Variants in CHRNA3 observed in about 807,000 individuals in gnomAD.
CHRNA3 encodes the protein cholinergic receptor nicotinic alpha 3 subunit, also known as neuronal acetylcholine receptor subunit alpha-3.
Under a neutral mutation model 41.9 loss-of-function variants are expected in CHRNA3, and 34 were observed. The ratio of observed to expected loss-of-function variants is 0.81; its 90% CI spans 0.62 to 1.08. The LOEUF (loss-of-function observed/expected upper bound fraction) is 1.08. Among genes scored for constraint, CHRNA3 ranks in the 50% least tolerant of loss-of-function variants. The probability of loss-of-function intolerance (pLI) is 0.00; values close to 1 mark genes in which losing one functional copy is unlikely to be tolerated. For synonymous variants in CHRNA3, 281 were observed against 265.2 expected, an observed-to-expected ratio of 1.06 and a Z score of -0.58; for missense variants, 542 against 638.3, an observed-to-expected ratio of 0.85 and a Z score of 1.63.
intron 4 of CHRNA3, 92 bp from the exon 5 acceptor site, chr15:78,602,356 G>T (rs999809472): frequency 9.6e-6 from 13 of 1,348,676 alleles, no homozygotes; most frequent in Non-Finnish European, 1.2e-5. Context: ...AGTAAGTAAT[G>T]ATTTGGAAGG....
downstream of CHRNA3, chr15:78,593,302 G>T: frequency 6.7e-7 from 1 of 1,487,344 alleles, no homozygotes. Context: ...ACATATATCT[G>T]ATGGCACCTA....
At chr15:78,594,663 G>A (rs1285723176), downstream of CHRNA3, 1 of 152,192 alleles carries the variant, frequency 6.6e-6, no homozygotes. Flanking sequence ...GGCAACAAGA[G>A]CAAAACTCTG....
chr15:78,619,461 A>AG (rs2053516382), intron 1 of CHRNA3, among the ~76,000 whole-genome samples: 1 of 152,094 alleles, frequency 6.6e-6, no homozygotes, highest in African/African-American at 2.4e-5. Flanking sequence ...GTCCGCTCCC[A>AG]GGGGCAGGGC....
chr15:78,597,889 A>G (rs1342288813), intron 5 of CHRNA3, among the ~76,000 whole-genome samples: 1 of 152,216 alleles, frequency 6.6e-6, no homozygotes, highest in African/African-American at 2.4e-5. Flanking sequence ...TTACATCACC[A>G]TTGTGAGCCT....
chr15:78,593,294 A>G (rs1390421652), downstream of CHRNA3: 2 of 1,521,848 alleles, frequency 1.3e-6, no homozygotes, highest in East Asian at 2.3e-5. Flanking sequence ...GTTAACACAC[A>G]TATATCTGAT....
At chr15:78,612,518 T>G (rs1466006389) in intron 4 of CHRNA3, among the ~76,000 whole-genome samples, 1 of 107,444 alleles carries the variant, frequency 9.3e-6, no homozygotes, top group South Asian at 2.8e-4. Flanking sequence ...TAGCCATATG[T>G]AGAAAGCTGA....
intron 4 of CHRNA3, 49 bp from the exon 5 acceptor site, chr15:78,602,313 G>C: frequency 6.4e-7 from 1 of 1,565,170 alleles, no homozygotes; most frequent in Non-Finnish European, 8.7e-7. Context: ...TTAACACTTG[G>C]TCATATTGTG....
Position 78,601,574 on chromosome 15 carries a change from C to T in CHRNA3, c.1068G>A (p.Met356Ile), listed in dbSNP as rs780955625. 1.9e-6 allele frequency: 3 copies of T among 1,614,140 alleles called. No homozygotes were observed. The East Asian group carries it at 6.7e-5, about 36-fold the overall frequency. The change falls in exon 5 of 6, where the codon ATG becomes ATA. Residue 356 changes from methionine to isoleucine, a missense_variant. By Grantham distance (10) the Met-to-Ile change is conservative. Coordinates refer to ENST00000326828, the MANE Select transcript of CHRNA3 (RefSeq NM_000743.5). ...FLNLLPRVMF[M>I]TRPTSNEGNA... ...TGCCCTCGTTGCTTGTTGGCCTGGT[C>T]ATGAACATGACCCTGGGGAGCAGGT... is the stretch of plus-strand genomic sequence containing the variant.
chr15:78,606,864 G>A (rs570960069), intron 4 of CHRNA3, among the ~76,000 whole-genome samples: 13 of 152,066 alleles, frequency 8.5e-5, no homozygotes, highest in South Asian at 4.2e-4. Context: ...ATGCCACCAC[G>A]AGAGTCTGTC....
At chr15:78,609,188 G>T (rs1353210713) in intron 4 of CHRNA3, among the ~76,000 whole-genome samples, 2 of 152,138 alleles carry the variant, frequency 1.3e-5, no homozygotes, top group South Asian at 2.1e-4. Context: ...CCCCAATCTA[G>T]CAAGGCAGGC....
intron 5 of CHRNA3, among the ~76,000 whole-genome samples, chr15:78,599,092 G>C (rs1046747324): frequency 2.0e-5 from 3 of 149,458 alleles, no homozygotes; most frequent in Non-Finnish European, 4.5e-5. Flanking sequence ...CACCTGCCTC[G>C]GCCTCCCAAA....
chr15:78,616,784 C>T (rs2053468824), intron 4 of CHRNA3, among the ~76,000 whole-genome samples: 1 of 152,210 alleles, frequency 6.6e-6, no homozygotes, highest in African/African-American at 2.4e-5. Flanking sequence ...TTTCCCAATG[C>T]CATCTTCCAC....
chr15:78,593,450 A>C (rs200202015), downstream of CHRNA3: 3 of 438,186 alleles, frequency 6.8e-6, no homozygotes, highest in African/African-American at 6.1e-5. Context: ...GATGAGATAC[A>C]TTTGATCTTG....
At chr15:78,618,546 TCTTGGTTCACCTA>T (rs2053499778) in intron 3 of CHRNA3, 58 bp downstream of exon 3, 1 of 1,576,024 alleles carries the variant, frequency 6.3e-7, no homozygotes, top group African/African-American at 1.3e-5. Flanking sequence ...TTTAGGCCTT[TCTTGGTTCACCTA>T]AAGCAAATAA....
At chr15:78,619,020 G>T in intron 1 of CHRNA3, 105 bp from the exon 2 acceptor site, 1 of 1,325,492 alleles carries the variant, frequency 7.5e-7, no homozygotes, top group Non-Finnish European at 1.0e-6. Context: ...CCACCTGTGG[G>T]GGGATTCTGT....
chr15:78,606,595 T>C (rs1266756240), intron 4 of CHRNA3, among the ~76,000 whole-genome samples: 1 of 151,940 alleles, frequency 6.6e-6, no homozygotes, highest in Non-Finnish European at 1.5e-5. Context: ...AAAATCATTT[T>C]AGAAATAAAA....
Position 78,596,229 on chromosome 15 carries a change from C to G in CHRNA3, c.*375G>C, listed in dbSNP as rs1567070088. 1 of 987,438 alleles carries G rather than the reference C, an allele frequency of 1.0e-6. No individual in the cohort carries two copies. Among genetic ancestry groups the G allele is most frequent in the Non-Finnish European group, 1.2e-6 (1 of 831,326 alleles). 61.2% of individuals were successfully genotyped at this position (987,438 alleles called of 1,614,324 possible). On this transcript the variant is annotated 3_prime_UTR_variant, in exon 6 of 6. Coordinates refer to ENST00000326828, the MANE Select transcript of CHRNA3 (RefSeq NM_000743.5). ...ATTATGGGCTAAATAAGAAAAATTA[C>G]TGGGAGATCTGTAGTGATAACTGAA... is the stretch of plus-strand genomic sequence containing the variant.
At chr15:78,599,091 C>T (rs138687758) in intron 5 of CHRNA3, among the ~76,000 whole-genome samples, 2,104 of 152,160 alleles carry the variant, frequency 0.014, 43 homozygotes, top group African/African-American at 0.046. Context: ...CCACCTGCCT[C>T]GGCCTCCCAA....
rs200332361 is a variant in CHRNA3 at position 78,618,951 on chromosome 15, C to T, written c.83-36G>A. 167 of 1,608,400 alleles carry T rather than the reference C, an allele frequency of 1.0e-4. No individual in the cohort carries two copies. In the South Asian group the frequency reaches 1.5e-3, roughly 15 times the overall value. On this transcript the variant is annotated intron_variant, in intron 1 of 5. Transcript: ENST00000326828. ...CAGCCCTGTCAGTCCCTGGGGAAAT[C>T]GTTACTTAACCTCCCCCACCCAGCC...
Sources: gnomAD v4.1 joint callset for allele counts (sites outside exome capture counted in the v4.1 genomes callset) on GRCh38, gnomAD v4.1.1 for gene constraint, MANE v1.5 for transcripts, NCBI Gene and HGNC (gene_info 2026-07-23, HGNC 2026-07-21) for gene names.